SYNPO2: variants seen among roughly 807,000 people sequenced by gnomAD.
SYNPO2 encodes the protein synaptopodin-2.
In SYNPO2, 56 loss-of-function variants were observed where a neutral mutation model predicts 85.0. That is an observed-to-expected ratio of 0.66 (90% CI 0.53 to 0.82). The LOEUF (loss-of-function observed/expected upper bound fraction) is 0.82. Among genes scored for constraint, SYNPO2 ranks in the 40% least tolerant of loss-of-function variants. The probability of loss-of-function intolerance (pLI) is 0.00; values close to 1 mark genes in which losing one functional copy is unlikely to be tolerated. For synonymous variants in SYNPO2, 602 were observed against 591.1 expected, an observed-to-expected ratio of 1.02 and a Z score of -0.27; for missense variants, 1,575 against 1,534.2, an observed-to-expected ratio of 1.03 and a Z score of -0.44.
At chr4:119,043,165 GT>G (rs895812407) in intron 4 of SYNPO2, 6 of 150,960 alleles carry the variant, frequency 4.0e-5, no homozygotes, top group South Asian at 2.1e-4. Context: ...TTACTGCCAT[GT>G]TTTTTTTTGT....
chr4:118,992,345 T>TG (rs1372795591), intron 1 of SYNPO2, among the ~76,000 whole-genome samples: 1 of 152,076 alleles, frequency 6.6e-6, no homozygotes, highest in Non-Finnish European at 1.5e-5. Flanking sequence ...GAGGACTGGA[T>TG]TCAAGGGACA....
chr4:118,852,988 G>A (rs1429998010), intron 1 of SYNPO2, among the ~76,000 whole-genome samples: 2 of 152,120 alleles, frequency 1.3e-5, no homozygotes, highest in African/African-American at 4.8e-5. Context: ...TAAATATTAA[G>A]AAATTGTCAA....
chr4:118,878,255 A>C (rs897770220), intron 1 of SYNPO2, among the ~76,000 whole-genome samples: 3 of 152,166 alleles, frequency 2.0e-5, no homozygotes, highest in Admixed American at 2.0e-4. Flanking sequence ...CCTATGCACT[A>C]TGCTTATTAC....
chr4:118,996,033 C>T (rs572191889), intron 1 of SYNPO2, among the ~76,000 whole-genome samples: 2 of 152,278 alleles, frequency 1.3e-5, no homozygotes, highest in African/African-American at 4.8e-5. Context: ...TTGCTAGCTC[C>T]TATCACCTAC....
chr4:118,916,394 A>G (rs1280457708), intron 1 of SYNPO2, among the ~76,000 whole-genome samples: 4 of 151,670 alleles, frequency 2.6e-5, no homozygotes, highest in Non-Finnish European at 5.9e-5. Context: ...GCTGGTCTCG[A>G]CCTCCTGGGC....
intron 1 of SYNPO2, among the ~76,000 whole-genome samples, chr4:118,883,574 A>G (rs768565491): frequency 1.1e-4 from 16 of 152,230 alleles, no homozygotes; most frequent in Non-Finnish European, 1.9e-4. Flanking sequence ...GAATGAATAA[A>G]TGGTAGTATA....
chr4:118,968,866 G>A (rs892619782), intron 1 of SYNPO2, among the ~76,000 whole-genome samples: 1 of 152,010 alleles, frequency 6.6e-6, no homozygotes, highest in Non-Finnish European at 1.5e-5. Flanking sequence ...CATTTTCCAG[G>A]TGGAAATTCC....
intron 4 of SYNPO2, among the ~76,000 whole-genome samples, chr4:119,050,774 T>C (rs1404986422): frequency 8.5e-5 from 13 of 152,182 alleles, no homozygotes; most frequent in Admixed American, 4.6e-4. Context: ...TCTCGTGGGT[T>C]GAATAATCAA....
intron 2 of SYNPO2, among the ~76,000 whole-genome samples, chr4:119,024,119 G>A (rs758722622): frequency 3.9e-5 from 6 of 152,094 alleles, no homozygotes; most frequent in African/African-American, 7.2e-5. Flanking sequence ...GTTTTTGCAC[G>A]ACCAACACAG....
intron 1 of SYNPO2, among the ~76,000 whole-genome samples, chr4:118,951,557 A>T (rs1734697512): frequency 6.6e-6 from 1 of 152,160 alleles, no homozygotes; most frequent in South Asian, 2.1e-4. Context: ...CAAGGGCAAA[A>T]ATCTGTAGTT....
In SYNPO2 at chr4:119,033,502, C is replaced by T. The variant is rs909174347; in HGVS notation, c.3252+1475C>T. 8 of 985,152 alleles carry T rather than the reference C, an allele frequency of 8.1e-6. No individual in the cohort carries two copies. In the African/African-American group the frequency reaches 8.7e-5, roughly 11 times the overall value. The allele number at this position is 985,152 out of a possible 1,614,324, so 61.0% of individuals were successfully genotyped here. ...AGTCTGACCAACCATGGAAAATATT[C>T]GACATGAATTAATGTAGAGAACTAT... On this transcript the variant is annotated intron_variant, in intron 4 of 4. Coordinates refer to ENST00000307142, the MANE Select transcript of SYNPO2 (RefSeq NM_133477.3).
intron 4 of SYNPO2, among the ~76,000 whole-genome samples, chr4:119,044,565 C>G (rs970643469): frequency 1.3e-5 from 2 of 152,158 alleles, no homozygotes; most frequent in South Asian, 2.1e-4. Flanking sequence ...GAGTCTCACT[C>G]TGTCGCCCAG....
At chr4:118,970,766 T>G (rs1003794974) in intron 1 of SYNPO2, among the ~76,000 whole-genome samples, 1 of 152,198 alleles carries the variant, frequency 6.6e-6, no homozygotes, top group Non-Finnish European at 1.5e-5. Context: ...TTCTAAAGGT[T>G]CCCTTCATCT....
rs1738394319 is a variant in SYNPO2, at chr4:119,034,036, C to T, written c.3252+2009C>T. 3 of 985,198 alleles carry T rather than the reference C, an allele frequency of 3.0e-6. No individual in the cohort carries two copies. The African/African-American group carries it at 5.2e-5, about 17-fold the overall frequency. The allele number at this position is 985,198 out of a possible 1,614,324, so 61.0% of individuals were successfully genotyped here. A position where few individuals can be genotyped will look rare whatever the true frequency, so the allele number is the denominator to read the frequency against. On this transcript the variant is annotated intron_variant, in intron 4 of 4. Transcript: ENST00000307142. The stretch of plus-strand genomic sequence containing the variant: ...GGATGTAGCTTGGTCTCTTATTTGC[C>T]TTTTTGGGAAACCAATTAAGATTAA...
chr4:119,057,967 GT>G lies in SYNPO2; in HGVS notation c.*39del, dbSNP rs1561037647. On this transcript the variant is annotated 3_prime_UTR_variant, in exon 5 of 5. Coordinates refer to ENST00000307142, the MANE Select transcript of SYNPO2 (RefSeq NM_133477.3). The stretch of plus-strand genomic sequence containing the variant: ...AAGAACGGATCATGTGCCAACTGTA[GT>G]TTTTTAAAAAAAACGCTCCTTTGTA... The G allele has an allele frequency of 6.4e-6, 10 of 1,554,990 alleles. No individual in the cohort carries two copies. The highest frequency in any genetic ancestry group is 4.5e-5 in the East Asian group (2 of 44,238).
intron 1 of SYNPO2, among the ~76,000 whole-genome samples, chr4:118,938,122 C>T (rs1412530537): frequency 6.6e-6 from 1 of 152,038 alleles, no homozygotes; most frequent in African/African-American, 2.4e-5. Context: ...GCCAACACGG[C>T]GAAACCTCAT....
intron 1 of SYNPO2, among the ~76,000 whole-genome samples, chr4:118,954,869 G>T (rs1265318941): frequency 6.6e-6 from 1 of 152,188 alleles, no homozygotes. Flanking sequence ...AGTATATGAG[G>T]GAGGTATAAT....
At chr4:118,890,484 G>A (rs1243532895) in intron 1 of SYNPO2, among the ~76,000 whole-genome samples, 1 of 152,102 alleles carries the variant, frequency 6.6e-6, no homozygotes, top group Admixed American at 6.6e-5. Flanking sequence ...TGGTTTTGTT[G>A]GGTTCCTTTA....
chr4:118,879,182 C>T (rs1732008582), intron 1 of SYNPO2, among the ~76,000 whole-genome samples: 5 of 152,190 alleles, frequency 3.3e-5, no homozygotes, highest in African/African-American at 7.2e-5. Context: ...TCTGCACACA[C>T]CATCTTTAAG....
Sources: gnomAD v4.1 joint callset for allele counts (sites outside exome capture counted in the v4.1 genomes callset) on GRCh38, gnomAD v4.1.1 for gene constraint, MANE v1.5 for transcripts, NCBI Gene and HGNC (gene_info 2026-07-23, HGNC 2026-07-21) for gene names.